CAST: variants seen among roughly 807,000 people sequenced by gnomAD.
The protein encoded by CAST is MIR583 host.
A neutral mutation model predicts 119.6 loss-of-function variants in CAST; 76 were observed. That is an observed-to-expected ratio of 0.64 (90% CI 0.53 to 0.77). The LOEUF is 0.77. CAST is among the 30% of genes least tolerant of loss of function. The pLI, the probability that CAST is intolerant of heterozygous loss-of-function variation, is 0.00. For missense variants in CAST, 953 were observed against 946.5 expected, an observed-to-expected ratio of 1.01 and a Z score of -0.09; for synonymous variants, 319 against 331.6, an observed-to-expected ratio of 0.96 and a Z score of 0.41.
chr5:96,392,891 G>A, the CAST span: 1 of 1,101,268 alleles, frequency 9.1e-7, no homozygotes, highest in Non-Finnish European at 1.4e-6. Context: ...GTGCCACAAA[G>A]GATATTATAA....
chr5:96,733,036 C>G (rs1024988347), intron 9 of CAST, among the ~76,000 whole-genome samples: 1 of 152,194 alleles, frequency 6.6e-6, no homozygotes, highest in African/African-American at 2.4e-5. Flanking sequence ...AAGTATGGCA[C>G]ATCTCCCTGA....
intron 3 of CAST, among the ~76,000 whole-genome samples, chr5:96,701,464 T>TAA (rs1033981516): frequency 3.9e-5 from 6 of 152,162 alleles, no homozygotes; most frequent in African/African-American, 1.4e-4. Flanking sequence ...ATGACAATAC[T>TAA]AATGATCAAC....
At chr5:96,562,035 G>T (rs80345864) in intron 1 of CAST, among the ~76,000 whole-genome samples, 25,978 of 150,386 alleles carry the variant, frequency 0.17, 2,554 homozygotes, top group East Asian at 0.28. Context: ...CTCGTGATCC[G>T]CCCGCCTCGG....
At chr5:96,597,907 A>G (rs1239073555) in intron 1 of CAST, among the ~76,000 whole-genome samples, 1 of 150,944 alleles carries the variant, frequency 6.6e-6, no homozygotes, top group African/African-American at 2.4e-5. Flanking sequence ...TGGAAGAAGA[A>G]AAGAAAGGGG....
chr5:96,323,068 A>G, the CAST span, among the ~76,000 whole-genome samples: 13 of 152,210 alleles, frequency 8.5e-5, no homozygotes, highest in Admixed American at 5.2e-4. Flanking sequence ...TGGCCTGAGG[A>G]AAATTGACTT....
At chr5:96,700,720 C>G (rs535244834) in intron 3 of CAST, among the ~76,000 whole-genome samples, 1 of 152,084 alleles carries the variant, frequency 6.6e-6, no homozygotes, top group South Asian at 2.1e-4. Flanking sequence ...TCTGATTCGC[C>G]GGGGTGGGGG....
chr5:96,408,095 A>G, the CAST span: 8 of 714,510 alleles, frequency 1.1e-5, no homozygotes. Flanking sequence ...AAGTGGCAGG[A>G]AAGAGCTTAT....
chr5:96,096,088 C>T, the CAST span, among the ~76,000 whole-genome samples: 1 of 152,158 alleles, frequency 6.6e-6, no homozygotes, highest in Admixed American at 6.5e-5. Context: ...GTAACTTCAT[C>T]CTTTACCTAA....
chr5:95,995,658 C>G, the CAST span, among the ~76,000 whole-genome samples: 1 of 152,066 alleles, frequency 6.6e-6, no homozygotes, highest in Non-Finnish European at 1.5e-5. Context: ...GAAAGGATTC[C>G]TGAATTCCCA....
At chr5:96,032,212 T>C in the CAST span, among the ~76,000 whole-genome samples, 1 of 152,130 alleles carries the variant, frequency 6.6e-6, no homozygotes, top group Non-Finnish European at 1.5e-5. Flanking sequence ...GCCTGGAGAC[T>C]AGCTACCACA....
the CAST span, among the ~76,000 whole-genome samples, chr5:96,450,524 C>A: frequency 6.6e-6 from 1 of 152,130 alleles, no homozygotes; most frequent in African/African-American, 2.4e-5. Flanking sequence ...ATTCTAAAAG[C>A]CCAGACTTCA....
the CAST span, among the ~76,000 whole-genome samples, chr5:96,130,011 AAC>A: frequency 7.1e-6 from 1 of 141,204 alleles, no homozygotes; most frequent in African/African-American, 2.7e-5. Context: ...CAGGTAAGAA[AAC>A]ACACACACTT....
intron 1 of CAST, among the ~76,000 whole-genome samples, chr5:96,620,395 A>C (rs767858398): frequency 6.7e-6 from 1 of 150,194 alleles, no homozygotes; most frequent in Non-Finnish European, 1.5e-5. Flanking sequence ...TTGAGTTTTG[A>C]TCTTTTCTGA....
In CAST at chr5:96,648,643, T is replaced by C. The variant is rs929585721; in HGVS notation, c.61-26896T>C. ...CAGCAAGTAATAACAAACGTAATAG[T>C]TACAATTGCTACATTTATGAGTACT... On this transcript the variant is annotated intron_variant, in intron 1 of 11. Transcript: ENST00000505143. 1.3e-5 allele frequency among the ~76,000 whole-genome samples: 2 copies of C among 152,188 alleles called. 1 individual carries two copies. The highest frequency in any genetic ancestry group is 1.3e-4 in the Admixed American group (2 of 15,260).
chr5:96,118,386 T>G, the CAST span, among the ~76,000 whole-genome samples: 2,229 of 152,280 alleles, frequency 0.015, 22 homozygotes, highest in Non-Finnish European at 0.024. Flanking sequence ...GGGCCAAGTT[T>G]GCATTGTAGA....
At chr5:96,321,682 TAACTGGCTAGTGACAGAGCTTG>T in the CAST span, among the ~76,000 whole-genome samples, 1 of 152,326 alleles carries the variant, frequency 6.6e-6, no homozygotes, top group African/African-American at 2.4e-5. Context: ...CAAGATCACA[TAACTGGCTAGTGACAGAGCTTG>T]AACTGGAAGC....
At chr5:96,227,919 CTG>C in the CAST span, among the ~76,000 whole-genome samples, 2 of 152,268 alleles carry the variant, frequency 1.3e-5, no homozygotes, top group South Asian at 4.1e-4. Flanking sequence ...GATTTTGTCA[CTG>C]TTAAAAATAA....
chr5:96,133,972 A>T, the CAST span, among the ~76,000 whole-genome samples: 1 of 152,184 alleles, frequency 6.6e-6, no homozygotes, highest in Non-Finnish European at 1.5e-5. Context: ...GAGAGGTTTT[A>T]CCCCAAACAA....
the CAST span, among the ~76,000 whole-genome samples, chr5:96,489,122 C>G: frequency 6.6e-6 from 1 of 152,228 alleles, no homozygotes; most frequent in Non-Finnish European, 1.5e-5. Flanking sequence ...ACAGCACATG[C>G]TCAGCCATCC....
Sources: gnomAD v4.1 joint callset for allele counts (sites outside exome capture counted in the v4.1 genomes callset) on GRCh38, gnomAD v4.1.1 for gene constraint, MANE v1.5 for transcripts, NCBI Gene and HGNC (gene_info 2026-07-23, HGNC 2026-07-21) for gene names.